The following PLAAT1 variants were observed in gnomAD, a reference collection of about 807,000 sequenced individuals.
PLAAT1 encodes the protein phospholipase A and acyltransferase 1.
A neutral mutation model predicts 16.4 loss-of-function variants in PLAAT1; 13 were observed. That is an observed-to-expected ratio of 0.79 (90% CI 0.52 to 1.26). PLAAT1 has a LOEUF of 1.26. Among genes scored for constraint, PLAAT1 ranks in the 50% most tolerant of loss-of-function variants. PLAAT1 has a pLI of 0.00. For synonymous variants in PLAAT1, 73 were observed against 78.4 expected, an observed-to-expected ratio of 0.93 and a Z score of 0.36; for missense variants, 218 against 207.8, an observed-to-expected ratio of 1.05 and a Z score of -0.30.
downstream of PLAAT1, chr3:193,275,318 G>C (rs545905011): frequency 3.1e-6 from 5 of 1,610,390 alleles, no homozygotes; most frequent in Non-Finnish European, 4.2e-6. Context: ...AAATCAGATG[G>C]GAAAACAATC....
At chr3:193,277,223 A>G (rs1717258901) in intron 2 of PLAAT1, among the ~76,000 whole-genome samples, 1 of 152,226 alleles carries the variant, frequency 6.6e-6, no homozygotes, top group Non-Finnish European at 1.5e-5. Flanking sequence ...AGCAAATTCT[A>G]CCTGGAATTC....
intron 1 of PLAAT1, among the ~76,000 whole-genome samples, chr3:193,250,323 G>A (rs907523046): frequency 3.3e-5 from 5 of 152,134 alleles, no homozygotes; most frequent in Admixed American, 2.6e-4. Context: ...GGTGTTAGTT[G>A]TGTGTTCCAG....
chr3:193,268,422 C>A (rs1306166579), intron 3 of PLAAT1, among the ~76,000 whole-genome samples: 1 of 152,188 alleles, frequency 6.6e-6, no homozygotes, highest in Non-Finnish European at 1.5e-5. Context: ...AGGTACAGAT[C>A]CCCAGAACGA....
chr3:193,274,783 A>G, downstream of PLAAT1: 1 of 529,166 alleles, frequency 1.9e-6, no homozygotes, highest in Non-Finnish European at 3.3e-6. Context: ...ATTTTAAACA[A>G]AATAATGCTA....
At chr3:193,265,888 C>G (rs1716761925) in intron 3 of PLAAT1, among the ~76,000 whole-genome samples, 1 of 151,308 alleles carries the variant, frequency 6.6e-6, no homozygotes, top group African/African-American at 2.4e-5. Context: ...GGTTCCATTC[C>G]TCTTCTTCTT....
At chr3:193,271,694 C>T (rs1185427794), downstream of PLAAT1, among the ~76,000 whole-genome samples, 1 of 152,114 alleles carries the variant, frequency 6.6e-6, no homozygotes, top group Admixed American at 6.5e-5. Context: ...CTTATGCTAT[C>T]ATCAAAAGCT....
chr3:193,267,275 A>G (rs1270272719), intron 3 of PLAAT1, among the ~76,000 whole-genome samples: 1 of 152,168 alleles, frequency 6.6e-6, no homozygotes, highest in Admixed American at 6.5e-5. Flanking sequence ...TATGGTTTGG[A>G]CAAATTTAAA....
At chr3:193,248,007 A>G (rs1411162160) in intron 1 of PLAAT1, among the ~76,000 whole-genome samples, 1 of 152,200 alleles carries the variant, frequency 6.6e-6, no homozygotes, top group Non-Finnish European at 1.5e-5. Flanking sequence ...AGATCTGTCC[A>G]ATGTTGAAAG....
At chr3:193,254,111 T>C (rs1329354929) in intron 1 of PLAAT1, among the ~76,000 whole-genome samples, 1 of 152,172 alleles carries the variant, frequency 6.6e-6, no homozygotes, top group African/African-American at 2.4e-5. Context: ...GCAAACATAT[T>C]TGAGAGGGTG....
At chr3:193,277,285 G>A (rs1277107630) in intron 2 of PLAAT1, among the ~76,000 whole-genome samples, 1 of 152,206 alleles carries the variant, frequency 6.6e-6, no homozygotes, top group African/African-American at 2.4e-5. Context: ...GAGACTAGAT[G>A]CAGATTGCTT....
chr3:193,264,231 C>T (rs1327873123), intron 3 of PLAAT1, among the ~76,000 whole-genome samples: 3 of 152,130 alleles, frequency 2.0e-5, no homozygotes, highest in Non-Finnish European at 2.9e-5. Flanking sequence ...TAATTCTTCT[C>T]ACAAAAGCTT....
At chr3:193,279,058 G>A (rs760406276), downstream of PLAAT1, among the ~76,000 whole-genome samples, 1 of 151,778 alleles carries the variant, frequency 6.6e-6, no homozygotes, top group Non-Finnish European at 1.5e-5. Flanking sequence ...TTTGAAAATT[G>A]TACTTGGAAA....
In PLAAT1 at chr3:193,270,671, T is replaced by G. The variant is rs2108805339; in HGVS notation, c.473T>G (p.Leu158Trp). ...AAVGVFSFLG[L>W]FPKGQRAKYY ...GTTGGTGTCTTCTCATTCCTGGGCT[T>G]GTTTCCAAAAGGACAAAGAGCAAAA... The change falls in exon 4 of 4, where the codon TTG becomes TGG. Residue 158 changes from leucine to tryptophan, a missense_variant. Physicochemically the swap from Leu to Trp is moderately conservative, Grantham distance 61. Transcript: ENST00000264735. The G allele has an allele frequency of 1.2e-6, 2 of 1,613,598 alleles. No homozygotes were observed. The highest frequency in any genetic ancestry group is 4.5e-5 in the East Asian group (2 of 44,860).
chr3:193,249,135 A>G (rs1256111012), intron 1 of PLAAT1, among the ~76,000 whole-genome samples: 3 of 151,962 alleles, frequency 2.0e-5, no homozygotes. Context: ...CTTTGACCAT[A>G]TCTTATTCCC....
chr3:193,250,998 C>A (rs141563574), intron 1 of PLAAT1, among the ~76,000 whole-genome samples: 2 of 152,150 alleles, frequency 1.3e-5, no homozygotes, highest in Non-Finnish European at 2.9e-5. Flanking sequence ...GTTGCTGGAG[C>A]GAGCAGGGGA....
At chr3:193,245,535 G>A (rs143884448) in intron 1 of PLAAT1, among the ~76,000 whole-genome samples, 62 of 152,282 alleles carry the variant, frequency 4.1e-4, no homozygotes, top group African/African-American at 1.4e-3. Flanking sequence ...AATGGCTTCA[G>A]TTCATTTGGT....
At chr3:193,261,904 A>G (rs1716596767) in intron 2 of PLAAT1, among the ~76,000 whole-genome samples, 1 of 152,150 alleles carries the variant, frequency 6.6e-6, no homozygotes, top group Admixed American at 6.5e-5. Context: ...AATGTGTGAG[A>G]ACTTGCAATG....
chr3:193,274,899 G>A, downstream of PLAAT1: 3 of 1,229,640 alleles, frequency 2.4e-6, no homozygotes, highest in Admixed American at 2.2e-5. Flanking sequence ...GTCCCTTGCT[G>A]CAAGGTTTAA....
At chr3:193,276,410 T>C (rs538893790) in intron 2 of PLAAT1, among the ~76,000 whole-genome samples, 1 of 152,316 alleles carries the variant, frequency 6.6e-6, no homozygotes, top group East Asian at 1.9e-4. Flanking sequence ...AAAAAGTCTC[T>C]TTGGGTTTTA....
Sources: gnomAD v4.1 joint callset for allele counts (sites outside exome capture counted in the v4.1 genomes callset) on GRCh38, gnomAD v4.1.1 for gene constraint, MANE v1.5 for transcripts, NCBI Gene and HGNC (gene_info 2026-07-23, HGNC 2026-07-21) for gene names.